The following RAB11FIP3 variants were observed in gnomAD, a reference collection of about 807,000 sequenced individuals.
RAB11FIP3 encodes the protein RAB11 family interacting protein 3, also known as rab11 family-interacting protein 3.
In RAB11FIP3, 17 loss-of-function variants were observed where a neutral mutation model predicts 77.8. That is an observed-to-expected ratio of 0.22 (90% CI 0.15 to 0.33). The LOEUF (loss-of-function observed/expected upper bound fraction) is 0.33. Ranked by LOEUF, RAB11FIP3 falls within the 10% of genes least tolerant of loss-of-function variation. The pLI is 1.00. For missense variants in RAB11FIP3, 1,005 were observed against 1,011.2 expected (o/e 0.99, Z 0.08); for synonymous variants, 437 against 448.2 (o/e 0.98, Z 0.31).
intron 9 of RAB11FIP3, among the ~76,000 whole-genome samples, chr16:515,868 G>C (rs1388901207): frequency 6.6e-6 from 1 of 152,190 alleles, no homozygotes; most frequent in Non-Finnish European, 1.5e-5. Context: ...CACACAGGAG[G>C]GTCCCCACCC....
chr16:430,339 T>C (rs2055016574), intron 1 of RAB11FIP3, among the ~76,000 whole-genome samples: 2 of 152,154 alleles, frequency 1.3e-5, no homozygotes, highest in African/African-American at 4.8e-5. Context: ...GTAATTTACA[T>C]GTTATTTTTA....
intron 5 of RAB11FIP3, among the ~76,000 whole-genome samples, chr16:489,896 G>C (rs936092585): frequency 2.0e-5 from 3 of 152,224 alleles, no homozygotes; most frequent in African/African-American, 7.2e-5. Context: ...TGTGTGCTCT[G>C]GTCCCGGCGA....
intron 1 of RAB11FIP3, chr16:453,353 T>C (rs12719807): frequency 0.54 from 81,785 of 152,254 alleles, 22,377 homozygotes; most frequent in Middle Eastern, 0.66. Context: ...GGATTACAGG[T>C]GTGAGCCACC....
At chr16:454,724 C>T (rs2055467790) in intron 1 of RAB11FIP3, among the ~76,000 whole-genome samples, 1 of 152,120 alleles carries the variant, frequency 6.6e-6, no homozygotes, top group East Asian at 1.9e-4. Context: ...GTGTCACATA[C>T]AGGCTCTTTC....
chr16:507,922 A>G lies in RAB11FIP3; in HGVS notation c.1499+2295A>G, dbSNP rs1006704466. Among the ~76,000 whole-genome samples the G allele has an allele frequency of 6.6e-6, 1 of 151,742 alleles. No individual in the cohort carries two copies. Among genetic ancestry groups the G allele is most frequent in the Non-Finnish European group, 1.5e-5 (1 of 68,030 alleles). ...GAGTACGTTTCCCGTTTTCAGTATC[A>G]TCTGCCCGTTCTGAGCCATTTGCTC... On this transcript the variant is annotated intron_variant, in intron 8 of 13. Coordinates refer to ENST00000262305, the MANE Select transcript of RAB11FIP3 (RefSeq NM_014700.4). The surrounding 1 kb of genome is among the most constrained non-coding windows in gnomAD (Gnocchi z 4.6).
intron 5 of RAB11FIP3, among the ~76,000 whole-genome samples, chr16:493,011 G>A (rs111370687): frequency 0.03 from 4,497 of 152,222 alleles, 184 homozygotes; most frequent in African/African-American, 0.092. Flanking sequence ...ATTTTGGGAG[G>A]CTGAGGAGGC....
chr16:509,906 G>A (rs745985934), intron 8 of RAB11FIP3, among the ~76,000 whole-genome samples: 13 of 152,236 alleles, frequency 8.5e-5, no homozygotes, highest in Non-Finnish European at 1.6e-4. Flanking sequence ...TACTGCAGCT[G>A]AAGGCAGACT....
At position 464,776 on chromosome 16, in the gene RAB11FIP3, C is replaced by T. The variant is rs537401263; in HGVS notation, c.808+3279C>T. ...AGCATTGTGGCGTATGCCTGTAGTC[C>T]CAGCTACTTGGGAGGTTGAGGTGGG... On this transcript the variant is annotated intron_variant, in intron 2 of 13. Transcript: ENST00000262305. 1.0e-3 allele frequency among the ~76,000 whole-genome samples: 157 copies of T among 152,220 alleles called. 2 individuals are homozygous for T. In the South Asian group the frequency reaches 0.031, roughly 30 times the overall value.
chr16:487,435 G>C (rs1404542031), intron 4 of RAB11FIP3, among the ~76,000 whole-genome samples: 1 of 152,172 alleles, frequency 6.6e-6, no homozygotes, highest in Non-Finnish European at 1.5e-5. Context: ...GTTTAAGCCT[G>C]CGTGTTTGAG....
chr16:436,038 C>T (rs1246633192), intron 1 of RAB11FIP3, among the ~76,000 whole-genome samples: 2 of 152,130 alleles, frequency 1.3e-5, no homozygotes, highest in Non-Finnish European at 2.9e-5. Flanking sequence ...TGGCCAGGCA[C>T]GGTGACTCAC....
intron 1 of RAB11FIP3, among the ~76,000 whole-genome samples, chr16:445,347 G>T (rs374236025): frequency 6.6e-6 from 1 of 151,112 alleles, no homozygotes; most frequent in Non-Finnish European, 1.5e-5. Flanking sequence ...GCTGAGGCAC[G>T]AGAATCGCTT....
chr16:517,896 C>G (rs1474003405), intron 9 of RAB11FIP3, among the ~76,000 whole-genome samples: 1 of 152,152 alleles, frequency 6.6e-6, no homozygotes, highest in Non-Finnish European at 1.5e-5. Context: ...TCCTGGCTAA[C>G]ACAGTGAAAC....
intron 1 of RAB11FIP3, among the ~76,000 whole-genome samples, chr16:427,026 G>T (rs928451573): frequency 6.6e-6 from 1 of 151,950 alleles, no homozygotes; most frequent in African/African-American, 2.4e-5. Context: ...CCCCCAGGGG[G>T]CCTGATCGCC....
chr16:447,856 GA>G (rs959994665), intron 1 of RAB11FIP3, among the ~76,000 whole-genome samples: 3 of 152,172 alleles, frequency 2.0e-5, no homozygotes, highest in African/African-American at 7.2e-5. Flanking sequence ...CACATCTGAA[GA>G]AAGGGTGAGA....
At chr16:435,965 T>C (rs2055119757) in intron 1 of RAB11FIP3, among the ~76,000 whole-genome samples, 1 of 152,154 alleles carries the variant, frequency 6.6e-6, no homozygotes. Flanking sequence ...TTTGGAGAAA[T>C]GCATATTAGA....
chr16:471,424 C>T lies in RAB11FIP3; in HGVS notation c.903+35C>T, dbSNP rs773955946. ...TTTCACCCAGGAGCTTGGGGGAAGT[C>T]TGGCATCCACCTCTTCCTTTATGCC... On this transcript the variant is annotated intron_variant, in intron 3 of 13. Coordinates refer to ENST00000262305, the MANE Select transcript of RAB11FIP3 (RefSeq NM_014700.4). The surrounding 1 kb of genome is among the most constrained non-coding windows in gnomAD (Gnocchi z 4.4). The T allele has an allele frequency of 1.3e-6, 2 of 1,508,002 alleles. No individual in the cohort carries two copies. The allele number at this position is 1,508,002 out of a possible 1,614,324, so 93.4% of individuals were successfully genotyped here.
At chr16:449,986 C>T (rs982284811) in intron 1 of RAB11FIP3, among the ~76,000 whole-genome samples, 13 of 152,048 alleles carry the variant, frequency 8.5e-5, no homozygotes, top group African/African-American at 1.7e-4. Flanking sequence ...AAGTTAACCT[C>T]GTCACAGTGA....
At chr16:482,829 C>T (rs765161136) in intron 4 of RAB11FIP3, 93 bp downstream of exon 4, 37 of 1,330,326 alleles carry the variant, frequency 2.8e-5, no homozygotes, top group Non-Finnish European at 3.4e-5. Context: ...TGGAGGAGTG[C>T]GTGCTGGTTA....
intron 1 of RAB11FIP3, among the ~76,000 whole-genome samples, chr16:450,290 C>T (rs921790053): frequency 2.3e-4 from 35 of 152,160 alleles, no homozygotes; most frequent in Admixed American, 7.9e-4. Context: ...CTGTCTCACC[C>T]TCCCGAGTAG....
Sources: allele counts gnomAD v4.1 joint callset (sites outside exome capture counted in the v4.1 genomes callset), GRCh38; gene constraint gnomAD v4.1.1; non-coding constraint Gnocchi (gnomAD v3.1); transcripts MANE v1.5; gene names NCBI Gene and HGNC (gene_info 2026-07-23, HGNC 2026-07-21).